CNTLN: variants seen among roughly 807,000 people sequenced by gnomAD.
CNTLN encodes the protein centlein, centrosomal protein.
In CNTLN, 212 loss-of-function variants were observed where a neutral mutation model predicts 180.0. The ratio of observed to expected loss-of-function variants is 1.18; its 90% confidence interval spans 1.05 to 1.32. CNTLN has a LOEUF of 1.32. Ranked by LOEUF, CNTLN falls within the 40% of genes most tolerant of loss-of-function variation. The probability of loss-of-function intolerance (pLI) is 0.00; values close to 1 mark genes in which losing one functional copy is unlikely to be tolerated. For missense variants in CNTLN, 2,095 were observed against 1,610.9 expected, an observed-to-expected ratio of 1.30 and a Z score of -5.14; for synonymous variants, 722 against 563.1, an observed-to-expected ratio of 1.28 and a Z score of -3.99.
chr9:17,166,036 G>A (rs180677628), intron 2 of CNTLN, among the ~76,000 whole-genome samples: 44 of 152,216 alleles, frequency 2.9e-4, no homozygotes, highest in African/African-American at 1.0e-3. Flanking sequence ...ATGATCATAA[G>A]ACATTTGAGT....
the CNTLN span, among the ~76,000 whole-genome samples, chr9:17,521,265 A>AG: frequency 3.4e-5 from 4 of 118,508 alleles, no homozygotes. Flanking sequence ...AAGGGAGAAA[A>AG]AGAGAGAGAG....
chr9:17,373,333 C>T (rs1289057821), intron 13 of CNTLN, among the ~76,000 whole-genome samples: 1 of 152,018 alleles, frequency 6.6e-6, no homozygotes, highest in Non-Finnish European at 1.5e-5. Context: ...ATGCCAACAG[C>T]AAACAATCTG....
At chr9:17,462,096 A>C (rs1831486939) in intron 19 of CNTLN, among the ~76,000 whole-genome samples, 1 of 151,832 alleles carries the variant, frequency 6.6e-6, no homozygotes, top group Non-Finnish European at 1.5e-5. Flanking sequence ...ATTATTCTCT[A>C]ACAAACTATC....
rs759493367 is a variant in CNTLN at position 17,502,575 on chromosome 9, G to C, written c.4144G>C (p.Glu1382Gln). ...GQLPFASYLL[E>Q]AVLEKINEKK... ...GCTTCCTTTTGCCTCATATTTACTA[G>C]AAGCAGTACTGGAAAAAATAAATGA... Residue 1382 changes from glutamate (E) to glutamine (Q), a missense_variant, in exon 26 of 26, where the codon GAA becomes CAA. By Grantham distance (29) the Glu-to-Gln change is conservative. Coordinates refer to ENST00000380647, the MANE Select transcript of CNTLN (RefSeq NM_017738.4). 2.9e-6 allele frequency: 4 copies of C among 1,401,720 alleles called. No homozygotes were observed. Among genetic ancestry groups the C allele is most frequent in the Non-Finnish European group, 3.9e-6 (4 of 1,027,242 alleles). 86.8% of individuals were successfully genotyped at this position (1,401,720 alleles called of 1,614,324 possible). A position where few individuals can be genotyped will look rare whatever the true frequency, so the allele number is the denominator to read the frequency against.
At chr9:17,306,475 G>GAT (rs1818724674) in intron 7 of CNTLN, among the ~76,000 whole-genome samples, 1 of 152,202 alleles carries the variant, frequency 6.6e-6, no homozygotes, top group South Asian at 2.1e-4. Flanking sequence ...AAGCAAGGCA[G>GAT]AAGTTAGATG....
chr9:17,303,429 A>AGC (rs1818504518), intron 7 of CNTLN, among the ~76,000 whole-genome samples: 1 of 152,140 alleles, frequency 6.6e-6, no homozygotes, highest in African/African-American at 2.4e-5. Context: ...TCTCTGTGAA[A>AGC]AGGGCTTCCA....
intron 15 of CNTLN, among the ~76,000 whole-genome samples, chr9:17,395,444 G>C (rs1331860730): frequency 6.6e-6 from 1 of 152,018 alleles, no homozygotes; most frequent in Non-Finnish European, 1.5e-5. Context: ...CTACTAAGTC[G>C]GTTTAGTTAT....
At chr9:17,428,229 C>T (rs1829211231) in intron 18 of CNTLN, among the ~76,000 whole-genome samples, 1 of 152,096 alleles carries the variant, frequency 6.6e-6, no homozygotes, top group South Asian at 2.1e-4. Context: ...TTCATGAGTA[C>T]ACTGCCCTGC....
At chr9:17,326,596 T>C (rs1317340805) in intron 8 of CNTLN, among the ~76,000 whole-genome samples, 2 of 152,182 alleles carry the variant, frequency 1.3e-5, no homozygotes, top group South Asian at 2.1e-4. Context: ...AAGTACAGTA[T>C]GGCTGGGGAG....
At chr9:17,241,584 C>T (rs547070975) in intron 5 of CNTLN, among the ~76,000 whole-genome samples, 25 of 151,982 alleles carry the variant, frequency 1.6e-4, no homozygotes, top group East Asian at 5.8e-4. Context: ...AAAAATTCTG[C>T]GAAGAATGTC....
intron 2 of CNTLN, among the ~76,000 whole-genome samples, chr9:17,189,650 A>T (rs905890140): frequency 2.7e-5 from 4 of 148,366 alleles, no homozygotes; most frequent in Admixed American, 1.3e-4. Context: ...CACCTGACTA[A>T]TTTTTTTTGT....
intron 8 of CNTLN, among the ~76,000 whole-genome samples, chr9:17,311,190 A>C (rs1819107753): frequency 6.6e-6 from 1 of 151,656 alleles, no homozygotes; most frequent in Non-Finnish European, 1.5e-5. Context: ...ACACCTGGCT[A>C]ATCTTTTTAT....
intron 12 of CNTLN, among the ~76,000 whole-genome samples, chr9:17,364,335 C>T (rs1185150792): frequency 6.6e-6 from 1 of 152,070 alleles, no homozygotes; most frequent in Non-Finnish European, 1.5e-5. Context: ...CTGCTCTCTT[C>T]CATTTTATCA....
intron 16 of CNTLN, among the ~76,000 whole-genome samples, chr9:17,410,316 T>G (rs1233397339): frequency 6.6e-6 from 1 of 152,200 alleles, no homozygotes; most frequent in Admixed American, 6.5e-5. Context: ...GAGTACTTTC[T>G]CATGGTTATT....
At chr9:17,394,132 G>A (rs1826312143) in intron 14 of CNTLN, among the ~76,000 whole-genome samples, 1 of 152,020 alleles carries the variant, frequency 6.6e-6, no homozygotes, top group Non-Finnish European at 1.5e-5. Context: ...TTTTTCATAT[G>A]ATTGTCGAAT....
intron 2 of CNTLN, among the ~76,000 whole-genome samples, chr9:17,213,375 T>A (rs1029280174): frequency 2.0e-5 from 3 of 152,142 alleles, no homozygotes; most frequent in Non-Finnish European, 4.4e-5. Context: ...TTTGAGTGAG[T>A]TTCTTAATCC....
chr9:17,226,167 G>C, intron 2 of CNTLN, 36 bp from the exon 3 acceptor site: 1 of 1,117,770 alleles, frequency 8.9e-7, no homozygotes, highest in Non-Finnish European at 1.3e-6. Flanking sequence ...TTAGCTACCA[G>C]TTATGACTAA....
chr9:17,210,235 C>A (rs1292667365), intron 2 of CNTLN, among the ~76,000 whole-genome samples: 2 of 152,106 alleles, frequency 1.3e-5, no homozygotes, highest in Admixed American at 1.3e-4. Context: ...CACGACAGGC[C>A]CCGGTGTGTA....
intron 5 of CNTLN, among the ~76,000 whole-genome samples, chr9:17,270,677 TAATGTTTA>T (rs1333899232): frequency 9.9e-5 from 15 of 152,154 alleles, no homozygotes; most frequent in Non-Finnish European, 2.2e-4. Context: ...TCATTTATTG[TAATGTTTA>T]TAGACCTTAC....
Sources: gnomAD v4.1 joint callset for allele counts (sites outside exome capture counted in the v4.1 genomes callset) on GRCh38, gnomAD v4.1.1 for gene constraint, MANE v1.5 for transcripts, NCBI Gene and HGNC (gene_info 2026-07-23, HGNC 2026-07-21) for gene names.